The following NID1 variants were observed in gnomAD, a reference collection of about 807,000 sequenced individuals.
NID1 encodes the protein nidogen 1, also known as nidogen-1.
Under a neutral mutation model 130.6 loss-of-function variants are expected in NID1, and 76 were observed. That is an observed-to-expected ratio of 0.58 (90% CI 0.48 to 0.70). The LOEUF is 0.70. Among genes scored for constraint, NID1 ranks in the 30% least tolerant of loss-of-function variants. The pLI is 0.00. For synonymous variants in NID1, 665 were observed against 675.1 expected (o/e 0.98, Z 0.23); for missense variants, 1,517 against 1,664.8 (o/e 0.91, Z 1.54).
chr1:236,040,048 A>T (rs891391642), intron 4 of NID1, among the ~76,000 whole-genome samples: 2 of 152,212 alleles, frequency 1.3e-5, no homozygotes, highest in Admixed American at 6.6e-5. Flanking sequence ...TTCAGTCTTA[A>T]GTAATACACT....
At chr1:236,022,632 CT>C (rs1312610347) in intron 9 of NID1, among the ~76,000 whole-genome samples, 5 of 151,558 alleles carry the variant, frequency 3.3e-5, no homozygotes, top group Admixed American at 3.3e-4. Flanking sequence ...GCCACTGCGC[CT>C]GGCCTCCTAT....
intron 9 of NID1, among the ~76,000 whole-genome samples, chr1:236,023,825 G>A (rs1320099417): frequency 1.3e-5 from 2 of 152,136 alleles, no homozygotes; most frequent in African/African-American, 2.4e-5. Context: ...TTCTTAAGAC[G>A]GAGTGGAGTG....
chr1:236,054,405 G>A (rs377648230), intron 1 of NID1, among the ~76,000 whole-genome samples: 8 of 152,038 alleles, frequency 5.3e-5, no homozygotes, highest in East Asian at 1.9e-4. Flanking sequence ...ACAGTGAGCC[G>A]AGACTGCGTC....
At chr1:236,043,834 A>G (rs1659524495) in intron 3 of NID1, among the ~76,000 whole-genome samples, 1 of 151,678 alleles carries the variant, frequency 6.6e-6, no homozygotes, top group Non-Finnish European at 1.5e-5. Context: ...AGAAATCCCA[A>G]CTCCATTGGC....
Position 236,029,758 on chromosome 1 carries a change from AC to A in NID1, c.1538-9del. The A allele has an allele frequency of 6.2e-7, 1 of 1,613,900 alleles. No homozygotes were observed. Among genetic ancestry groups the A allele is most frequent in the Non-Finnish European group, 8.5e-7 (1 of 1,179,950 alleles). On this transcript the variant is annotated splice_polypyrimidine_tract_variant and intron_variant, in intron 6 of 19. Transcript: ENST00000264187. ...GGCGAGTGAACTCACCCCCTGAAAA[AC>A]AAGATGAGACTGTCACTTTGCTGAC... is the stretch of plus-strand genomic sequence containing the variant.
intron 1 of NID1, among the ~76,000 whole-genome samples, chr1:236,063,904 A>G (rs1373784570): frequency 6.6e-6 from 1 of 152,246 alleles, no homozygotes; most frequent in African/African-American, 2.4e-5. Flanking sequence ...CCAGACTTGA[A>G]GGGCTCATTC....
At chr1:236,032,771 G>C in intron 5 of NID1, 119 bp from the exon 6 acceptor site, 1 of 1,340,854 alleles carries the variant, frequency 7.5e-7, no homozygotes, top group Middle Eastern at 2.5e-4. Flanking sequence ...AACAGCACTG[G>C]GGTCAATGGC....
rs1657291428 is a variant in NID1 at position 235,977,351 on chromosome 1, T to C, written c.*516A>G. The C allele has an allele frequency of 6.4e-6, 1 of 156,184 alleles. No individual in the cohort carries two copies. Among genetic ancestry groups the C allele is most frequent in the Non-Finnish European group, 1.4e-5 (1 of 70,232 alleles). The allele number at this position is 156,184 out of a possible 1,614,324, so 9.7% of individuals were successfully genotyped here. On this transcript the variant is annotated 3_prime_UTR_variant, in exon 20 of 20. Coordinates refer to ENST00000264187, the MANE Select transcript of NID1 (RefSeq NM_002508.3). ...ACTGAGGAGTAAAACTATAGGACTA[T>C]AATAAAGAAGAAATTCAGAGCACCA...
intron 1 of NID1, among the ~76,000 whole-genome samples, chr1:236,052,395 A>G (rs1659784616): frequency 6.6e-6 from 1 of 152,166 alleles, no homozygotes; most frequent in Admixed American, 6.5e-5. Flanking sequence ...CCCCAAGGGC[A>G]CTGGGCCGGG....
intron 9 of NID1, among the ~76,000 whole-genome samples, chr1:236,022,890 C>T (rs1658805960): frequency 6.6e-6 from 1 of 151,116 alleles, no homozygotes; most frequent in Admixed American, 6.6e-5. Context: ...TGGTGAAAGC[C>T]CTCTTTACTA....
chr1:236,042,581 T>C lies in NID1; in HGVS notation c.753-289A>G, dbSNP rs191815186. Among the ~76,000 whole-genome samples, 116 of 152,334 alleles carry C rather than the reference T, an allele frequency of 7.6e-4. 3 individuals carry two copies. The highest frequency in any genetic ancestry group is 7.6e-3 in the Admixed American group (116 of 15,302). Reference sequence around the variant, plus strand: ...CACTATCAGGACTTAAAATTCAACTTGCTCATCCTAATTGCTGGTTACATG... The same window carrying C: ...CACTATCAGGACTTAAAATTCAACTCGCTCATCCTAATTGCTGGTTACATG... On this transcript the variant is annotated intron_variant, in intron 3 of 19. Transcript: ENST00000264187.
chr1:236,019,180 G>C (rs1019567664), intron 9 of NID1, among the ~76,000 whole-genome samples: 1 of 152,244 alleles, frequency 6.6e-6, no homozygotes, highest in Non-Finnish European at 1.5e-5. Context: ...AGCTGGAGCT[G>C]GGGAGGCTGT....
intron 12 of NID1, among the ~76,000 whole-genome samples, chr1:235,998,710 T>C (rs1310184554): frequency 6.6e-6 from 1 of 152,180 alleles, no homozygotes; most frequent in Non-Finnish European, 1.5e-5. Context: ...CACTCTTGAA[T>C]GTAAAACGTG....
chr1:235,996,501 G>T (rs1174991901), intron 12 of NID1, among the ~76,000 whole-genome samples: 2 of 151,928 alleles, frequency 1.3e-5, no homozygotes, highest in East Asian at 3.9e-4. Flanking sequence ...GGAGTGCAGT[G>T]GTGCAATCTC....
intron 14 of NID1, 76 bp downstream of exon 14, chr1:235,990,810 G>A: frequency 1.3e-6 from 2 of 1,537,942 alleles, no homozygotes; most frequent in East Asian, 4.5e-5. Context: ...TGGGGTTCTG[G>A]TCTGATATCG....
intron 3 of NID1, among the ~76,000 whole-genome samples, chr1:236,043,783 G>T (rs1659523284): frequency 6.6e-6 from 1 of 152,008 alleles, no homozygotes; most frequent in Admixed American, 6.6e-5. Flanking sequence ...GGGCGACAGA[G>T]CAAGACTCCA....
intron 4 of NID1, among the ~76,000 whole-genome samples, chr1:236,040,172 A>G (rs1036001859): frequency 6.6e-6 from 1 of 152,184 alleles, no homozygotes; most frequent in Non-Finnish European, 1.5e-5. Flanking sequence ...AACCCAACAT[A>G]TGCAAGGAAA....
chr1:236,038,743 T>G lies in NID1; in HGVS notation c.1136-490A>C, dbSNP rs184968918. The stretch of plus-strand genomic sequence containing the variant: ...TATATAGGTCATATATAATATATAT[T>G]ACCTATGTTATATAGGTCATATATA... On this transcript the variant is annotated intron_variant, in intron 4 of 19. Transcript: ENST00000264187. Among the ~76,000 whole-genome samples, 114 of 105,292 alleles carry G rather than the reference T, an allele frequency of 1.1e-3. 8 individuals carry two copies. The East Asian group carries it at 0.017, about 16-fold the overall frequency. The allele number at this position is 105,292 out of a possible 152,430, so 69.1% of individuals were successfully genotyped here.
In NID1 at chr1:235,979,788, G is replaced by T; in HGVS notation, c.3509+34C>A. 1 of 1,608,628 alleles carries T rather than the reference G, an allele frequency of 6.2e-7. No homozygotes were observed. Among genetic ancestry groups the T allele is most frequent in the Non-Finnish European group, 8.5e-7 (1 of 1,176,422 alleles). On this transcript the variant is annotated intron_variant, in intron 18 of 19. Transcript: ENST00000264187. This position sits in a 1 kb window ranked among gnomAD's most constrained non-coding sequence, Gnocchi z 4.6. ...CCAGAGACAGTGGGTGGAGGGGCAGGCCCACGCAGCCCCCATGGCTACAGC... is the reference window on the plus strand; with the variant it reads ...CCAGAGACAGTGGGTGGAGGGGCAGTCCCACGCAGCCCCCATGGCTACAGC...
Sources: gnomAD v4.1 joint callset for allele counts (sites outside exome capture counted in the v4.1 genomes callset) on GRCh38, gnomAD v4.1.1 for gene constraint, Gnocchi (gnomAD v3.1) non-coding constraint, MANE v1.5 for transcripts, NCBI Gene and HGNC (gene_info 2026-07-23, HGNC 2026-07-21) for gene names.